The following ANO2 variants were observed in gnomAD, a reference collection of about 807,000 sequenced individuals.
ANO2 encodes anoctamin-2.
ANO2 carries 101 observed loss-of-function variants against 124.2 expected under a neutral mutation model. The observed-to-expected ratio is 0.81, with a 90% CI of 0.69 to 0.96. The LOEUF is 0.96. Ranked by LOEUF, ANO2 falls within the 40% of genes least tolerant of loss-of-function variation. The pLI is 0.00. For missense variants in ANO2, 1,293 were observed against 1,274.5 expected (o/e 1.01, Z -0.22); for synonymous variants, 486 against 482.5 (o/e 1.01, Z -0.09).
intron 1 of ANO2, among the ~76,000 whole-genome samples, chr12:5,943,261 GTGTT>G (rs1214466808): frequency 3.0e-5 from 4 of 131,170 alleles, no homozygotes; most frequent in African/African-American, 8.2e-5. Context: ...TGGGATGTCT[GTGTT>G]TGAGTGTGTG....
At chr12:5,619,730 T>G (rs569589754) in intron 16 of ANO2, among the ~76,000 whole-genome samples, 1 of 152,354 alleles carries the variant, frequency 6.6e-6, no homozygotes, top group South Asian at 2.1e-4. Flanking sequence ...TGTGGAACGC[T>G]GTCCTCCAAA....
At chr12:5,589,031 A>T (rs1039255902) in intron 20 of ANO2, among the ~76,000 whole-genome samples, 1 of 152,188 alleles carries the variant, frequency 6.6e-6, no homozygotes, top group African/African-American at 2.4e-5. Context: ...GAGGCAGCAG[A>T]TGTGAAGGGG....
In ANO2 at chr12:5,917,565, C is replaced by CTT. The variant is rs1275136752; in HGVS notation, c.534+3473_534+3474dup. ...TACTGTTATTATTATTCTCTTTTTT[C>CTT]TTTTTTTTTTTTTTTTTTTGGAGAC... On this transcript the variant is annotated intron_variant, in intron 3 of 24. Coordinates refer to ENST00000682330, the MANE Select transcript of ANO2 (RefSeq NM_001364791.2). 2.6e-3 allele frequency among the ~76,000 whole-genome samples: 257 copies of CTT among 100,618 alleles called. 3 individuals are homozygous for CTT. Among genetic ancestry groups the CTT allele is most frequent in the Non-Finnish European group, 4.3e-3 (191 of 44,124 alleles). 66.0% of individuals were successfully genotyped at this position (100,618 alleles called of 152,430 possible).
chr12:5,812,661 AGAGGGAGGGAAGGCAGGCAAG>A (rs1953454922), intron 7 of ANO2, among the ~76,000 whole-genome samples: 2 of 136,724 alleles, frequency 1.5e-5, no homozygotes, highest in African/African-American at 5.5e-5. Flanking sequence ...AGGGAGGAAG[AGAGGGAGGGAAGGCAGGCAAG>A]AGAAAGAAAG....
intron 10 of ANO2, among the ~76,000 whole-genome samples, chr12:5,754,221 T>C (rs868011429): frequency 6.6e-6 from 1 of 152,216 alleles, no homozygotes; most frequent in Non-Finnish European, 1.5e-5. Context: ...TCTTCATTTA[T>C]TGATTTGCAT....
intron 14 of ANO2, among the ~76,000 whole-genome samples, chr12:5,706,143 G>A (rs543547114): frequency 4.6e-5 from 7 of 152,202 alleles, no homozygotes; most frequent in African/African-American, 1.4e-4. Context: ...CTAACTTCCC[G>A]CTTCACAAAG....
At chr12:5,613,284 T>C (rs1232050154) in intron 17 of ANO2, among the ~76,000 whole-genome samples, 1 of 152,184 alleles carries the variant, frequency 6.6e-6, no homozygotes, top group African/African-American at 2.4e-5. Context: ...CTAAGTGCAC[T>C]GTCGTCACAC....
chr12:5,855,627 G>C (rs1315892408), intron 3 of ANO2, among the ~76,000 whole-genome samples: 2 of 152,218 alleles, frequency 1.3e-5, no homozygotes, highest in African/African-American at 2.4e-5. Context: ...TTTATTGACT[G>C]TGTATTATGC....
chr12:5,691,296 C>CCAGCCTGG (rs1455428752), intron 14 of ANO2, among the ~76,000 whole-genome samples: 1 of 137,950 alleles, frequency 7.2e-6, no homozygotes, highest in African/African-American at 2.8e-5. Context: ...CCATTGCACT[C>CCAGCCTGG]CAGCCTGGGC....
At chr12:5,589,705 G>A (rs1297469251) in intron 20 of ANO2, among the ~76,000 whole-genome samples, 5 of 152,150 alleles carry the variant, frequency 3.3e-5, no homozygotes, top group Non-Finnish European at 7.3e-5. Flanking sequence ...AGGGGGAAGG[G>A]GGAGGTGGTA....
chr12:5,649,101 G>T (rs1946788118), intron 14 of ANO2, among the ~76,000 whole-genome samples: 1 of 152,176 alleles, frequency 6.6e-6, no homozygotes, highest in South Asian at 2.1e-4. Flanking sequence ...ACAGGCTAAG[G>T]AAACAGAGAT....
chr12:5,849,230 T>C (rs990346506), intron 4 of ANO2, among the ~76,000 whole-genome samples: 2 of 152,246 alleles, frequency 1.3e-5, no homozygotes, highest in Admixed American at 1.3e-4. Context: ...ATGTCACTTC[T>C]TCCAAATTTA....
intron 14 of ANO2, among the ~76,000 whole-genome samples, chr12:5,724,695 A>AGTGG (rs1950364339): frequency 6.6e-6 from 1 of 152,162 alleles, no homozygotes; most frequent in Non-Finnish European, 1.5e-5. Context: ...GCAGTAAATT[A>AGTGG]ACACCCCTCT....
At chr12:5,833,225 A>G (rs1279849323) in intron 4 of ANO2, among the ~76,000 whole-genome samples, 2 of 152,250 alleles carry the variant, frequency 1.3e-5, no homozygotes, top group African/African-American at 2.4e-5. Flanking sequence ...TGCCTTGAGT[A>G]AGGCATAGAT....
intron 10 of ANO2, among the ~76,000 whole-genome samples, chr12:5,788,109 C>T (rs1476466330): frequency 6.6e-6 from 1 of 152,192 alleles, no homozygotes; most frequent in Non-Finnish European, 1.5e-5. Flanking sequence ...CTTTCCTGTG[C>T]TCTGCTGAGT....
At chr12:5,612,057 A>T (rs183778273) in intron 19 of ANO2, among the ~76,000 whole-genome samples, 183 of 152,322 alleles carry the variant, frequency 1.2e-3, no homozygotes, top group Admixed American at 2.3e-3. Flanking sequence ...GCATATTTTA[A>T]CTTGCTCCAT....
intron 20 of ANO2, chr12:5,584,063 T>C: frequency 3.8e-6 from 1 of 260,808 alleles, no homozygotes. Context: ...ATTTCCCGAT[T>C]GTGATTCAGA....
At chr12:5,940,659 T>A (rs1219660966) in intron 1 of ANO2, among the ~76,000 whole-genome samples, 1 of 152,256 alleles carries the variant, frequency 6.6e-6, no homozygotes. Flanking sequence ...AGAACCCTCA[T>A]AAATTGCTGG....
intron 10 of ANO2, among the ~76,000 whole-genome samples, chr12:5,760,619 C>T (rs976771063): frequency 1.3e-5 from 2 of 152,030 alleles, no homozygotes; most frequent in Non-Finnish European, 2.9e-5. Context: ...AGCCAAATTA[C>T]ACATCCACTA....
Sources: allele counts gnomAD v4.1 joint callset (sites outside exome capture counted in the v4.1 genomes callset), GRCh38; gene constraint gnomAD v4.1.1; transcripts MANE v1.5; gene names NCBI Gene and HGNC (gene_info 2026-07-23, HGNC 2026-07-21).